Variants in NCOR1 observed in about 807,000 individuals in gnomAD.
The protein encoded by NCOR1 is protein phosphatase 1, regulatory subunit 109.
NCOR1 carries 63 observed loss-of-function variants against 288.1 expected under a neutral mutation model. The ratio of observed to expected loss-of-function variants is 0.22; its 90% CI spans 0.18 to 0.27. The LOEUF (loss-of-function observed/expected upper bound fraction) is 0.27, where lower values mean the gene tolerates loss of function less well. NCOR1 is among the 10% of genes least tolerant of loss of function. The probability of loss-of-function intolerance (pLI) is 1.00; values close to 1 mark genes in which losing one functional copy is unlikely to be tolerated. For missense variants in NCOR1, 2,397 were observed against 3,019.2 expected (o/e 0.79, Z 4.83); for synonymous variants, 1,007 against 1,065.9 (o/e 0.94, Z 1.08).
At chr17:16,037,365 A>G (rs762311382) in intron 44 of NCOR1, among the ~76,000 whole-genome samples, 38 of 152,208 alleles carry the variant, frequency 2.5e-4, no homozygotes, top group Non-Finnish European at 4.8e-4. Flanking sequence ...TTAGAAAAAT[A>G]ATGCTGATAG....
At chr17:16,198,357 CAAA>C (rs55993030) in intron 1 of NCOR1, 83 of 79,718 alleles carry the variant, frequency 1.0e-3, no homozygotes, top group Middle Eastern at 8.5e-3. Flanking sequence ...GACTCCGTCT[CAAA>C]AAAAAAAAAA....
chr17:16,039,386 CT>C (rs2151979516), intron 44 of NCOR1, 46 bp downstream of exon 44: 3 of 1,581,462 alleles, frequency 1.9e-6, no homozygotes, highest in East Asian at 2.3e-5. Context: ...AATAAACTGG[CT>C]TTTTTGGGGA....
intron 45 of NCOR1, 144 bp from the exon 46 acceptor site, chr17:16,032,627 G>T: frequency 1.4e-6 from 1 of 719,900 alleles, no homozygotes; most frequent in Non-Finnish European, 2.2e-6. Flanking sequence ...AACACGGAAT[G>T]GCCAAAGTCT....
At position 16,070,479 on chromosome 17, in the gene NCOR1, T is replaced by C. The variant is rs1305608899; in HGVS notation, c.4199A>G (p.Lys1400Arg). Residue 1400 changes from lysine (K) to arginine (R), a missense_variant, in exon 31 of 46, where the codon AAA (lysine) becomes AGA (arginine). By Grantham distance (26) the Lys-to-Arg change is conservative. Transcript: ENST00000268712. Reference sequence around the variant, plus strand: ...CGTGATTAAGGATTTGACATTGTGTTTGATGGCAGATTGACCTGAGTTGTT... The same window carrying C: ...CGTGATTAAGGATTTGACATTGTGTCTGATGGCAGATTGACCTGAGTTGTT... ...FDNNSGQSAI[K>R]HNVKSLITGP... is the part of the protein sequence containing the mutation. The C allele has an allele frequency of 6.2e-7, 1 of 1,614,220 alleles. No homozygotes were observed.
intron 3 of NCOR1, among the ~76,000 whole-genome samples, chr17:16,173,409 G>A (rs2083477266): frequency 6.6e-6 from 1 of 151,822 alleles, no homozygotes; most frequent in Admixed American, 6.6e-5. Flanking sequence ...TACTTTCAGA[G>A]CACTAGGAAA....
chr17:16,119,022 A>G (rs1315273509), intron 17 of NCOR1, among the ~76,000 whole-genome samples: 1 of 152,250 alleles, frequency 6.6e-6, no homozygotes, highest in Non-Finnish European at 1.5e-5. Flanking sequence ...CAAACTGACA[A>G]AAGTATTTAC....
chr17:16,152,090 A>T, intron 7 of NCOR1, 92 bp from the exon 8 acceptor site: 1 of 737,304 alleles, frequency 1.4e-6, no homozygotes, highest in Admixed American at 2.9e-5. Flanking sequence ...GCACAGGTAA[A>T]GTACTAATGG....
In NCOR1 at chr17:16,136,671, G is replaced by A. The variant is rs111265392; in HGVS notation, c.1509+640C>T. Reference sequence around the variant, plus strand: ...AAATACAAAAACTTAGCCGGGCGTGGTGGCAGGCGCCTGTAGTCCCAGCTA... The same window carrying A: ...AAATACAAAAACTTAGCCGGGCGTGATGGCAGGCGCCTGTAGTCCCAGCTA... On this transcript the variant is annotated intron_variant, in intron 14 of 45. Transcript: ENST00000268712. 6.1e-4 allele frequency among the ~76,000 whole-genome samples: 92 copies of A among 152,062 alleles called. 1 individual carries two copies. The highest frequency in any genetic ancestry group is 2.1e-3 in the African/African-American group (89 of 41,492).
rs1567811170 is a variant in NCOR1 at position 16,068,062 on chromosome 17, G to C, written c.4573C>G (p.Gln1525Glu). The C allele has an allele frequency of 1.2e-6, 2 of 1,614,146 alleles. No individual in the cohort carries two copies. Among genetic ancestry groups the C allele is most frequent in the East Asian group, 4.5e-5 (2 of 44,886 alleles). ...HERKSTLTPT[Q>E]RESIPAKSPV... Reference sequence around the variant, plus strand: ...GACTTCGCTGGGATACTTTCCCTCTGGGTAGGGGTCAGTGTCGATTTCCTT... The same window carrying C: ...GACTTCGCTGGGATACTTTCCCTCTCGGTAGGGGTCAGTGTCGATTTCCTT... The change falls in exon 32 of 46, where the codon CAG becomes GAG. Residue 1525 changes from glutamine to glutamate, a missense_variant. Transcript: ENST00000268712.
intron 22 of NCOR1, among the ~76,000 whole-genome samples, chr17:16,088,903 G>A (rs1004522751): frequency 2.0e-5 from 3 of 152,110 alleles, no homozygotes; most frequent in Admixed American, 6.6e-5. Context: ...CCATCAAGAC[G>A]ATGGTACTTT....
At chr17:16,046,769 T>G in intron 42 of NCOR1, 182 bp downstream of exon 42, 1 of 605,680 alleles carries the variant, frequency 1.7e-6, no homozygotes, top group Non-Finnish European at 2.7e-6. Context: ...AGCGAACTCC[T>G]GCCTCCTAAT....
At chr17:16,085,468 T>C (rs2064082209) in intron 23 of NCOR1, among the ~76,000 whole-genome samples, 1 of 152,158 alleles carries the variant, frequency 6.6e-6, no homozygotes, top group African/African-American at 2.4e-5. Context: ...AAACTGGAAA[T>C]AGCTCAGGTT....
At chr17:16,074,069 GGTACAATAAAAGAACGTAA>G (rs2062085179) in intron 27 of NCOR1, among the ~76,000 whole-genome samples, 1 of 152,172 alleles carries the variant, frequency 6.6e-6, no homozygotes, top group South Asian at 2.1e-4. Flanking sequence ...GACAGAGAAA[GGTACAATAAAAGAACGTAA>G]GCGTGGTAAC....
rs2074553849 is a variant in NCOR1 at position 16,127,379 on chromosome 17, A to ATGTATGTATATATACATATATGTATGTG, written c.1510-1174_1510-1173insCACATACATATATGTATATATACATACA. Among the ~76,000 whole-genome samples, 4 of 34,832 alleles carry ATGTATGTATATATACATATATGTATGTG rather than the reference A, an allele frequency of 1.1e-4. 1 individual carries two copies. Among genetic ancestry groups the ATGTATGTATATATACATATATGTATGTG allele is most frequent in the African/African-American group, 3.4e-4 (4 of 11,806 alleles). 22.9% of individuals were successfully genotyped at this position (34,832 alleles called of 152,430 possible). ...TATGTATATATACATGTATGTATAT[A>ATGTATGTATATATACATATATGTATGTG]TGTATGTATATATACATGTGTATAT... On this transcript the variant is annotated intron_variant, in intron 14 of 45. Transcript: ENST00000268712.
chr17:16,058,368 CAAACA>C, intron 38 of NCOR1, 98 bp downstream of exon 38: 7 of 1,430,730 alleles, frequency 4.9e-6, no homozygotes, highest in Non-Finnish European at 6.6e-6. Flanking sequence ...TACCCTAAAA[CAAACA>C]AAACAAGTTA....
At position 16,171,853 on chromosome 17, in the gene NCOR1, A is replaced by G; in HGVS notation, c.385T>C (p.Leu129=). 1 of 1,612,302 alleles carries G rather than the reference A, an allele frequency of 6.2e-7. No individual in the cohort carries two copies. Among genetic ancestry groups the G allele is most frequent in the African/African-American group, 1.3e-5 (1 of 74,890 alleles). The part of the protein sequence containing the change: ...FQRVSAAVLP[L]VHPLPEGLRA... Reference sequence around the variant, plus strand: ...AGCCCTTCTGGCAGCGGGTGCACTAAAGGCAAAACCGCAGCACTGACACGC... The same window carrying G: ...AGCCCTTCTGGCAGCGGGTGCACTAGAGGCAAAACCGCAGCACTGACACGC... Residue 129 remains leucine, a synonymous_variant, in exon 4 of 46, where the codon TTA becomes CTA. Transcript: ENST00000268712.
chr17:16,058,637 A>G (rs2157991), intron 37 of NCOR1, 38 bp from the exon 38 acceptor site: 847,712 of 1,569,076 alleles, frequency 0.54, 233,802 homozygotes, highest in Middle Eastern at 0.6. Flanking sequence ...AACTAATCCC[A>G]GGAAAAGTTT....
intron 1 of NCOR1, among the ~76,000 whole-genome samples, chr17:16,209,588 T>C (rs1277772797): frequency 6.8e-6 from 1 of 147,536 alleles, no homozygotes; most frequent in Admixed American, 6.8e-5. Context: ...ATAAATTTTA[T>C]AGCATGAATA....
Position 16,146,258 on chromosome 17 carries a change from T to A in NCOR1, c.1082+118A>T, listed in dbSNP as rs904007423. The A allele has an allele frequency of 6.8e-6, 6 of 877,488 alleles. No individual in the cohort carries two copies. In the African/African-American group the frequency reaches 6.9e-5, roughly 10 times the overall value. The allele number at this position is 877,488 out of a possible 1,614,324, so 54.4% of individuals were successfully genotyped here. A position where few individuals can be genotyped will look rare whatever the true frequency, so the allele number is the denominator to read the frequency against. On this transcript the variant is annotated intron_variant, in intron 10 of 45. Transcript: ENST00000268712. ...ACTATTGTCCTATGACCCTGCCAAA[T>A]CCCCCTCTCCGAGAAACACCCAAGA...
Sources: gnomAD v4.1 joint callset for allele counts (sites outside exome capture counted in the v4.1 genomes callset) on GRCh38, gnomAD v4.1.1 for gene constraint, MANE v1.5 for transcripts, NCBI Gene and HGNC (gene_info 2026-07-23, HGNC 2026-07-21) for gene names.